SLC8A1: variants seen among roughly 807,000 people sequenced by gnomAD.
The protein encoded by SLC8A1 is sodium/calcium exchanger 1.
In SLC8A1, 18 loss-of-function variants were observed where a neutral mutation model predicts 68.3. The observed-to-expected ratio is 0.26, with a 90% CI of 0.18 to 0.39. The LOEUF is 0.39. SLC8A1 is among the 10% of genes least tolerant of loss of function. The pLI, the probability that SLC8A1 is intolerant of heterozygous loss-of-function variation, is 1.00. For synonymous variants in SLC8A1, 475 were observed against 415.5 expected (o/e 1.14, Z -1.74); for missense variants, 985 against 1,156.7 (o/e 0.85, Z 2.15).
intron 2 of SLC8A1, among the ~76,000 whole-genome samples, chr2:40,215,713 C>G (rs1338401887): frequency 2.0e-5 from 3 of 148,476 alleles, no homozygotes; most frequent in Non-Finnish European, 4.5e-5. Flanking sequence ...CCAGGCTGGT[C>G]TTGAACTCCT....
intron 2 of SLC8A1, among the ~76,000 whole-genome samples, chr2:40,351,767 C>T (rs1007382068): frequency 6.6e-6 from 1 of 151,998 alleles, no homozygotes; most frequent in African/African-American, 2.4e-5. Flanking sequence ...GTATTACAGA[C>T]AATAGCTTGC....
At chr2:40,416,656 C>G (rs936343354) in intron 2 of SLC8A1, among the ~76,000 whole-genome samples, 1 of 152,044 alleles carries the variant, frequency 6.6e-6, no homozygotes, top group Non-Finnish European at 1.5e-5. Flanking sequence ...ATGACTCACC[C>G]AAAGCTGCTG....
intron 2 of SLC8A1, among the ~76,000 whole-genome samples, chr2:40,224,730 C>T (rs1008760598): frequency 2.0e-5 from 3 of 152,150 alleles, no homozygotes; most frequent in African/African-American, 4.8e-5. Context: ...TTATTTTTTA[C>T]AACTCCTCAA....
At chr2:40,205,778 G>T (rs369974233) in intron 2 of SLC8A1, among the ~76,000 whole-genome samples, 80 of 146,126 alleles carry the variant, frequency 5.5e-4, no homozygotes, top group Admixed American at 1.3e-3. Flanking sequence ...GCAAACCTGC[G>T]CTTGTACATC....
intron 1 of SLC8A1, among the ~76,000 whole-genome samples, chr2:40,432,450 A>G (rs1165426057): frequency 9.4e-6 from 1 of 106,118 alleles, no homozygotes; most frequent in Non-Finnish European, 2.2e-5. Context: ...TACACGTGGG[A>G]TGCATGATTT....
intron 3 of SLC8A1, chr2:40,177,625 G>C: frequency 1.7e-6 from 1 of 575,274 alleles, no homozygotes; most frequent in Non-Finnish European, 3.1e-6. Flanking sequence ...AATTGCTAAA[G>C]CTTCAAAGGC....
At chr2:40,298,200 C>T (rs2070779742) in intron 2 of SLC8A1, among the ~76,000 whole-genome samples, 3 of 152,098 alleles carry the variant, frequency 2.0e-5, no homozygotes, top group Admixed American at 1.3e-4. Context: ...CTAAAAAACC[C>T]CAGTGTTCTT....
intron 2 of SLC8A1, among the ~76,000 whole-genome samples, chr2:40,426,663 A>T (rs187048358): frequency 2.8e-4 from 43 of 152,206 alleles, no homozygotes; most frequent in African/African-American, 9.6e-4. Context: ...AATTTTCAAA[A>T]GAAAATATGC....
chr2:40,135,410 C>G (rs2148247914), intron 7 of SLC8A1, among the ~76,000 whole-genome samples: 1 of 152,020 alleles, frequency 6.6e-6, no homozygotes, highest in Non-Finnish European at 1.5e-5. Flanking sequence ...ACAAGACACA[C>G]TTTATAGGAA....
chr2:40,284,892 G>A (rs907317726), intron 2 of SLC8A1, among the ~76,000 whole-genome samples: 4 of 151,956 alleles, frequency 2.6e-5, no homozygotes, highest in African/African-American at 7.2e-5. Flanking sequence ...GCACTCCCAG[G>A]GATGAGCAAG....
intron 1 of SLC8A1, among the ~76,000 whole-genome samples, chr2:40,438,363 C>T (rs1374579012): frequency 6.6e-6 from 1 of 152,176 alleles, no homozygotes; most frequent in Non-Finnish European, 1.5e-5. Context: ...AGCTGGTTGA[C>T]ATTTAATCTT....
intron 2 of SLC8A1, among the ~76,000 whole-genome samples, chr2:40,241,028 A>G (rs1335326297): frequency 6.6e-6 from 1 of 152,226 alleles, no homozygotes; most frequent in Non-Finnish European, 1.5e-5. Flanking sequence ...AAATCATTCT[A>G]CCAAAAAGGC....
exon 2 of SLC8A1, chr2:40,429,106 C>G: frequency 1.2e-6 from 2 of 1,613,084 alleles, no homozygotes; most frequent in Non-Finnish European, 1.7e-6. Flanking sequence ...CTCGTGCATG[C>G]TGACAGCCTT....
intron 1 of SLC8A1, among the ~76,000 whole-genome samples, chr2:40,485,075 T>C (rs1404928761): frequency 6.6e-6 from 1 of 152,066 alleles, no homozygotes; most frequent in African/African-American, 2.4e-5. Flanking sequence ...ATTGCTTCTT[T>C]CCCTTCCCCA....
At chr2:40,189,701 C>A (rs1456939433) in intron 2 of SLC8A1, 1 of 152,152 alleles carries the variant, frequency 6.6e-6, no homozygotes, top group African/African-American at 2.4e-5. Flanking sequence ...ATAATCCTAT[C>A]ACTAGAAATT....
intron 1 of SLC8A1, among the ~76,000 whole-genome samples, chr2:40,475,944 TC>T (rs1704278143): frequency 6.6e-6 from 1 of 152,168 alleles, no homozygotes; most frequent in African/African-American, 2.4e-5. Flanking sequence ...AGAATTTGTC[TC>T]CTCTGAGTAG....
chr2:40,138,302 G>C (rs746869755), intron 7 of SLC8A1, among the ~76,000 whole-genome samples: 2 of 152,118 alleles, frequency 1.3e-5, no homozygotes, highest in African/African-American at 2.4e-5. Context: ...CAAAAGTCAG[G>C]CTTGACAACT....
chr2:40,392,340 A>G (rs2149605367), intron 2 of SLC8A1, among the ~76,000 whole-genome samples: 1 of 152,136 alleles, frequency 6.6e-6, no homozygotes, highest in East Asian at 1.9e-4. Context: ...CATCTTATCT[A>G]CCCGTTCCCA....
intron 2 of SLC8A1, among the ~76,000 whole-genome samples, chr2:40,306,806 T>C (rs1226027344): frequency 1.7e-4 from 26 of 152,156 alleles, no homozygotes; most frequent in Admixed American, 1.7e-3. Context: ...ACATTTGTGC[T>C]CCAATTTTCC....
Sources: gnomAD v4.1 joint callset for allele counts (sites outside exome capture counted in the v4.1 genomes callset) on GRCh38, gnomAD v4.1.1 for gene constraint, MANE v1.5 for transcripts, NCBI Gene and HGNC (gene_info 2026-07-23, HGNC 2026-07-21) for gene names.